Variants in TFPI observed in about 807,000 individuals in gnomAD.
The protein encoded by TFPI is tissue factor pathway inhibitor, also known as anti-convertin.
In TFPI, 15 loss-of-function variants were observed where a neutral mutation model predicts 34.6. The ratio of observed to expected loss-of-function variants is 0.43; its 90% CI spans 0.29 to 0.67. TFPI has a LOEUF of 0.67. TFPI is among the 30% of genes least tolerant of loss of function. The probability of loss-of-function intolerance (pLI) is 0.15; values close to 1 mark genes in which losing one functional copy is unlikely to be tolerated. For synonymous variants in TFPI, 105 were observed against 120.1 expected, an observed-to-expected ratio of 0.87 and a Z score of 0.82; for missense variants, 301 against 364.0, an observed-to-expected ratio of 0.83 and a Z score of 1.41.
At chr2:187,497,489 C>T (rs1559119836) in intron 2 of TFPI, among the ~76,000 whole-genome samples, 2 of 151,846 alleles carry the variant, frequency 1.3e-5, no homozygotes, top group African/African-American at 2.4e-5. Context: ...TTCACATTCA[C>T]ATATATATAT....
At chr2:187,511,639 T>A (rs1439510441) in intron 1 of TFPI, among the ~76,000 whole-genome samples, 2 of 152,248 alleles carry the variant, frequency 1.3e-5, no homozygotes, top group East Asian at 3.9e-4. Context: ...GGATTTCCCA[T>A]CAGAAGTAAG....
intron 1 of TFPI, chr2:187,517,068 C>A (rs530992847): frequency 1.3e-5 from 2 of 152,162 alleles, no homozygotes; most frequent in Admixed American, 1.3e-4. Flanking sequence ...GTCTGTGGCT[C>A]GTCCTGCTAC....
intron 1 of TFPI, among the ~76,000 whole-genome samples, chr2:187,522,712 T>A (rs1272751740): frequency 7.7e-6 from 1 of 129,804 alleles, no homozygotes; most frequent in Non-Finnish European, 1.6e-5. Context: ...TGAAACCCCG[T>A]CTCTACTAAA....
chr2:187,542,194 T>C (rs959979755), intron 1 of TFPI, among the ~76,000 whole-genome samples: 8 of 151,966 alleles, frequency 5.3e-5, no homozygotes, highest in Admixed American at 2.6e-4. Flanking sequence ...AAAAGTAAAA[T>C]AAATAGCAGA....
Position 187,466,853 on chromosome 2 carries a change from T to G in TFPI, c.*83A>C. 2 of 780,700 alleles carry G rather than the reference T, an allele frequency of 2.6e-6. No individual in the cohort carries two copies. Among genetic ancestry groups the G allele is most frequent in the Non-Finnish European group, 3.9e-6 (2 of 509,450 alleles). The allele number at this position is 780,700 out of a possible 1,614,324, so 48.4% of individuals were successfully genotyped here. A position where few individuals can be genotyped will look rare whatever the true frequency, so the allele number is the denominator to read the frequency against. ...TTAATGAACATATTAATTAAAAGCATTTTAGAAGAAAAATAGAAAATCATA... is the reference window on the plus strand; with the variant it reads ...TTAATGAACATATTAATTAAAAGCAGTTTAGAAGAAAAATAGAAAATCATA... On this transcript the variant is annotated 3_prime_UTR_variant, in exon 8 of 8. Transcript: ENST00000233156.
chr2:187,528,817 A>C (rs1056957196), intron 1 of TFPI, among the ~76,000 whole-genome samples: 2 of 152,086 alleles, frequency 1.3e-5, no homozygotes, highest in African/African-American at 4.8e-5. Flanking sequence ...AAATGCCTTT[A>C]ATCACTGCTC....
chr2:187,497,588 T>C (rs1224597131), intron 2 of TFPI, among the ~76,000 whole-genome samples: 4 of 152,074 alleles, frequency 2.6e-5, no homozygotes, highest in African/African-American at 9.6e-5. Context: ...ATATACTTCA[T>C]GGTGCTTTTT....
rs565914975 is a variant in TFPI at position 187,478,197 on chromosome 2, T to C, written c.628+5927A>G. ...CAACATGATGAAACCCTGTCTCTAC[T>C]GAAAATACAAATATTAGCGGGGCGT... On this transcript the variant is annotated intron_variant, in intron 6 of 7. Coordinates refer to ENST00000233156, the MANE Select transcript of TFPI (RefSeq NM_006287.6). 9.2e-5 allele frequency among the ~76,000 whole-genome samples: 14 copies of C among 152,150 alleles called. No individual in the cohort carries two copies. In the East Asian group the frequency reaches 2.5e-3, roughly 27 times the overall value.
intron 3 of TFPI, among the ~76,000 whole-genome samples, chr2:187,489,141 C>G (rs1283904967): frequency 6.6e-6 from 1 of 151,212 alleles, no homozygotes; most frequent in Non-Finnish European, 1.5e-5. Context: ...TTGGTCAAAG[C>G]AGGTTAGCAT....
chr2:187,521,478 T>C (rs1687369293), intron 1 of TFPI, among the ~76,000 whole-genome samples: 1 of 152,124 alleles, frequency 6.6e-6, no homozygotes, highest in Non-Finnish European at 1.5e-5. Context: ...CTGGGTTGTA[T>C]GGCAGTTTTA....
Position 187,478,689 on chromosome 2 carries a change from G to T in TFPI, c.628+5435C>A, listed in dbSNP as rs1230934497. The T allele has an allele frequency of 2.5e-6, 4 of 1,613,036 alleles. No homozygotes were observed. In the Admixed American group the frequency reaches 6.7e-5, roughly 27 times the overall value. On this transcript the variant is annotated intron_variant, in intron 6 of 7. Transcript: ENST00000233156. ...AAAGCACAAATATTAACATAGGCAT[G>T]AAATGCTATCCAATCCTAGAAAGAA...
chr2:187,541,916 C>G (rs1274220936), intron 1 of TFPI, among the ~76,000 whole-genome samples: 2 of 152,108 alleles, frequency 1.3e-5, no homozygotes, highest in Non-Finnish European at 2.9e-5. Flanking sequence ...CAATGTCTAA[C>G]GCACAGAGTG....
At chr2:187,546,261 A>T (rs1306830842) in intron 1 of TFPI, among the ~76,000 whole-genome samples, 1 of 149,810 alleles carries the variant, frequency 6.7e-6, no homozygotes, top group Non-Finnish European at 1.5e-5. Context: ...TTTTGTCTGG[A>T]CTTTATAGTT....
rs1001543077 is a variant in TFPI at position 187,554,303 on chromosome 2, ACTT to A, written c.-109_-107del. 16 of 152,218 alleles carry A rather than the reference ACTT, an allele frequency of 1.1e-4. No homozygotes were observed. The highest frequency in any genetic ancestry group is 2.9e-4 in the African/African-American group (12 of 41,530). 9.4% of individuals were successfully genotyped at this position (152,218 alleles called of 1,614,324 possible). ...ATTGAAGACAGGATTTATCTTCTCT[ACTT>A]CTTCTTTTAGAAGCAGATCAAGAAA... On this transcript the variant is annotated 5_prime_UTR_variant, in exon 1 of 8. Coordinates refer to ENST00000233156, the MANE Select transcript of TFPI (RefSeq NM_006287.6).
intron 1 of TFPI, among the ~76,000 whole-genome samples, chr2:187,545,599 T>C (rs1688816020): frequency 1.3e-5 from 2 of 152,188 alleles, no homozygotes; most frequent in South Asian, 4.1e-4. Context: ...AAAGACACGC[T>C]ATTCTCACAA....
chr2:187,539,284 CT>C (rs942841379), intron 1 of TFPI, among the ~76,000 whole-genome samples: 48 of 151,986 alleles, frequency 3.2e-4, no homozygotes, highest in Non-Finnish European at 6.2e-4. Flanking sequence ...CTTGTACACT[CT>C]TTTTTTCTTT....
intron 1 of TFPI, among the ~76,000 whole-genome samples, chr2:187,535,432 A>G (rs377089444): frequency 2.0e-5 from 3 of 152,190 alleles, no homozygotes; most frequent in African/African-American, 7.2e-5. Context: ...TAAGAAACTC[A>G]CTCAAAACCA....
intron 6 of TFPI, among the ~76,000 whole-genome samples, chr2:187,474,047 C>G (rs1032723723): frequency 2.0e-5 from 3 of 152,082 alleles, no homozygotes; most frequent in Non-Finnish European, 4.4e-5. Flanking sequence ...AGTCATGTTT[C>G]TTCAGGGATT....
chr2:187,546,930 T>C (rs1688899281), intron 1 of TFPI: 1 of 152,238 alleles, frequency 6.6e-6, no homozygotes, highest in Non-Finnish European at 1.5e-5. Flanking sequence ...TGCAAATACA[T>C]GGAAAGACGA....
Sources: allele counts gnomAD v4.1 joint callset (sites outside exome capture counted in the v4.1 genomes callset), GRCh38; gene constraint gnomAD v4.1.1; transcripts MANE v1.5; gene names NCBI Gene and HGNC (gene_info 2026-07-23, HGNC 2026-07-21).